The following SIPA1L1 variants were observed in gnomAD, a reference collection of about 807,000 sequenced individuals.
SIPA1L1 encodes the protein signal induced proliferation associated 1 like 1.
SIPA1L1 carries 26 observed loss-of-function variants against 162.7 expected under a neutral mutation model. The ratio of observed to expected loss-of-function variants is 0.16; its 90% CI spans 0.12 to 0.22. SIPA1L1 has a LOEUF of 0.22. Among genes scored for constraint, SIPA1L1 ranks in the 10% least tolerant of loss-of-function variants. The pLI is 1.00. For missense variants in SIPA1L1, 1,874 were observed against 2,241.0 expected (o/e 0.84, Z 3.31); for synonymous variants, 829 against 837.4 (o/e 0.99, Z 0.17).
At chr14:71,664,515 TG>T (rs1193324175) in intron 10 of SIPA1L1, among the ~76,000 whole-genome samples, 5 of 152,220 alleles carry the variant, frequency 3.3e-5, no homozygotes, top group Non-Finnish European at 7.3e-5. Flanking sequence ...CCAGGGTAAA[TG>T]GGGTATCCAT....
At chr14:71,678,993 C>A (rs1170240396) in intron 12 of SIPA1L1, among the ~76,000 whole-genome samples, 1 of 152,080 alleles carries the variant, frequency 6.6e-6, no homozygotes, top group Non-Finnish European at 1.5e-5. Flanking sequence ...GAGAATGGAA[C>A]CAAGTTGGAA....
At chr14:71,502,990 T>A (rs1463749038) in intron 2 of SIPA1L1, among the ~76,000 whole-genome samples, 1 of 152,172 alleles carries the variant, frequency 6.6e-6, no homozygotes, top group Non-Finnish European at 1.5e-5. Context: ...CTTATGCATG[T>A]CCCCCCTTGC....
Position 71,557,883 on chromosome 14 carries a change from A to G in SIPA1L1, c.-303+28513A>G, listed in dbSNP as rs370513398. 5.9e-4 allele frequency among the ~76,000 whole-genome samples: 90 copies of G among 152,336 alleles called. No homozygotes were observed. The South Asian group carries it at 0.018, about 30-fold the overall frequency. The stretch of plus-strand genomic sequence containing the variant: ...CAATTTTTTAGAAATATATAAATCC[A>G]TTGAAGTGAAAATGCTTCCAATTTG... On this transcript the variant is annotated intron_variant, in intron 4 of 23. Coordinates refer to ENST00000381232, the MANE Select transcript of SIPA1L1 (RefSeq NM_001386936.1).
intron 2 of SIPA1L1, among the ~76,000 whole-genome samples, chr14:71,394,519 G>A (rs1283806796): frequency 1.3e-5 from 2 of 152,304 alleles, no homozygotes; most frequent in East Asian, 1.9e-4. Flanking sequence ...CTGGTGTGAC[G>A]TCTTCCTCTG....
At chr14:71,576,362 A>G (rs1167145073) in intron 4 of SIPA1L1, among the ~76,000 whole-genome samples, 1 of 152,216 alleles carries the variant, frequency 6.6e-6, no homozygotes, top group Non-Finnish European at 1.5e-5. Flanking sequence ...TTAGCGAGTT[A>G]GTGAGATAAT....
intron 4 of SIPA1L1, among the ~76,000 whole-genome samples, chr14:71,585,251 C>T (rs2034441140): frequency 6.6e-6 from 1 of 151,656 alleles, no homozygotes; most frequent in African/African-American, 2.4e-5. Flanking sequence ...CATAATTGCC[C>T]ATCTCGAACC....
chr14:71,428,075 C>T (rs1356570750), intron 2 of SIPA1L1, among the ~76,000 whole-genome samples: 6 of 151,854 alleles, frequency 4.0e-5, no homozygotes, highest in Non-Finnish European at 4.4e-5. Flanking sequence ...TCACTGCAGC[C>T]TCCACCTCCC....
At chr14:71,345,333 T>A (rs1374712504) in intron 2 of SIPA1L1, among the ~76,000 whole-genome samples, 1 of 152,180 alleles carries the variant, frequency 6.6e-6, no homozygotes, top group Non-Finnish European at 1.5e-5. Context: ...TTGTTGACGC[T>A]TTCCTATATG....
At chr14:71,505,222 A>G (rs2143912090) in intron 2 of SIPA1L1, among the ~76,000 whole-genome samples, 1 of 152,216 alleles carries the variant, frequency 6.6e-6, no homozygotes, top group East Asian at 1.9e-4. Context: ...GGTCACTCAC[A>G]GATACTTCCC....
At chr14:71,648,167 GTAATAC>G (rs1173353622) in intron 7 of SIPA1L1, among the ~76,000 whole-genome samples, 2 of 152,166 alleles carry the variant, frequency 1.3e-5, no homozygotes, top group African/African-American at 4.8e-5. Flanking sequence ...GCGCATGCCT[GTAATAC>G]CAGCTACTTG....
In SIPA1L1 at chr14:71,738,319, G is replaced by T. The variant is rs1460566371; in HGVS notation, c.5202G>T (p.Leu1734Phe). 6.2e-7 allele frequency: 1 copy of T among 1,611,372 alleles called. No individual in the cohort carries two copies. The highest frequency in any genetic ancestry group is 8.5e-7 in the Non-Finnish European group (1 of 1,177,630). Residue 1734 changes from leucine (L) to phenylalanine (F), a missense_variant, in exon 23 of 24, where the codon TTG (leucine) becomes TTT (phenylalanine). Physicochemically the swap from Leu to Phe is conservative, Grantham distance 22. This residue lies in a region of SIPA1L1 where 936 missense variants were observed against 1,051.9 expected (regional missense o/e 0.89). Coordinates refer to ENST00000381232, the MANE Select transcript of SIPA1L1 (RefSeq NM_001386936.1). ...EGMLKMLRED[L>F]KKEKEDKAHL... ...TGCTGAAGATGCTTCGGGAAGATTT[G>T]AAGAAGGTAAACATGTATTCTCAAA...
chr14:71,614,512 G>A (rs1024557156), intron 5 of SIPA1L1, among the ~76,000 whole-genome samples: 7 of 152,076 alleles, frequency 4.6e-5, no homozygotes, highest in South Asian at 2.1e-4. Context: ...AAATTGGACC[G>A]GAGTCTCCAT....
At chr14:71,700,988 C>T (rs1179760405) in intron 14 of SIPA1L1, among the ~76,000 whole-genome samples, 12 of 80,708 alleles carry the variant, frequency 1.5e-4, no homozygotes, top group African/African-American at 5.9e-4. Flanking sequence ...GAGCAAGACT[C>T]CGTCTCAAAA....
chr14:71,487,655 A>T lies in SIPA1L1; in HGVS notation c.-464-25088A>T, dbSNP rs569791797. 2.0e-5 allele frequency among the ~76,000 whole-genome samples: 3 copies of T among 152,346 alleles called. No individual in the cohort carries two copies. The South Asian group carries it at 6.2e-4, about 32-fold the overall frequency. On this transcript the variant is annotated intron_variant, in intron 2 of 23. Transcript: ENST00000381232. Reference sequence around the variant, plus strand: ...TCCAGTGTCCACTTTCACTCTGCTCAGCTCTTGGGGACATGAGGAAGTGAG... The same window carrying T: ...TCCAGTGTCCACTTTCACTCTGCTCTGCTCTTGGGGACATGAGGAAGTGAG...
intron 5 of SIPA1L1, chr14:71,598,234 A>G: frequency 1.0e-6 from 1 of 985,288 alleles, no homozygotes; most frequent in Non-Finnish European, 1.2e-6. Flanking sequence ...GATTTTTACT[A>G]TTGTAAACTT....
chr14:71,577,273 A>G (rs2033198716), intron 4 of SIPA1L1, among the ~76,000 whole-genome samples: 1 of 152,154 alleles, frequency 6.6e-6, no homozygotes, highest in African/African-American at 2.4e-5. Context: ...TACACAGGCT[A>G]TAAGGGAGCC....
At chr14:71,507,992 A>T (rs910345378) in intron 2 of SIPA1L1, among the ~76,000 whole-genome samples, 1 of 152,192 alleles carries the variant, frequency 6.6e-6, no homozygotes. Flanking sequence ...AAAAGAGGGC[A>T]AGTGGGACGA....
At chr14:71,446,894 G>GGTT (rs2045394010) in intron 2 of SIPA1L1, among the ~76,000 whole-genome samples, 2 of 87,404 alleles carry the variant, frequency 2.3e-5, no homozygotes, top group African/African-American at 8.7e-5. Flanking sequence ...GATGGGCTCT[G>GGTT]TTTTTTTTTT....
At chr14:71,575,842 T>A (rs1004400241) in intron 4 of SIPA1L1, among the ~76,000 whole-genome samples, 1 of 152,208 alleles carries the variant, frequency 6.6e-6, no homozygotes, top group Non-Finnish European at 1.5e-5. Context: ...AAACCCACTA[T>A]TTTTTATTCA....
Sources: gnomAD v4.1 joint callset for allele counts (sites outside exome capture counted in the v4.1 genomes callset) on GRCh38, gnomAD v4.1.1 for gene constraint, gnomAD v4.1.1 regional missense constraint, MANE v1.5 for transcripts, NCBI Gene and HGNC (gene_info 2026-07-23, HGNC 2026-07-21) for gene names.